Variants in OPA1 observed in about 807,000 individuals in gnomAD.
OPA1 encodes the protein dynamin-like GTPase OPA1, mitochondrial.
In OPA1, 59 loss-of-function variants were observed where a neutral mutation model predicts 152.9. The ratio of observed to expected loss-of-function variants is 0.39; its 90% CI spans 0.31 to 0.48. OPA1 has a LOEUF of 0.48. OPA1 is among the 20% of genes least tolerant of loss of function. OPA1 has a pLI of 0.96. For missense variants in OPA1, 1,008 were observed against 1,216.8 expected (o/e 0.83, Z 2.55); for synonymous variants, 400 against 389.9 (o/e 1.03, Z -0.31).
intron 1 of OPA1, among the ~76,000 whole-genome samples, chr3:193,604,962 A>G (rs1294159281): frequency 6.6e-6 from 1 of 152,150 alleles, no homozygotes; most frequent in Admixed American, 6.5e-5. Context: ...AACTGAGTCA[A>G]TTTCCGGGCA....
chr3:193,613,887 A>G (rs745357728), intron 1 of OPA1: 1 of 517,390 alleles, frequency 1.9e-6, no homozygotes, highest in Non-Finnish European at 3.9e-6. Context: ...CTCCTTCTTA[A>G]GAAGTTTCCA....
chr3:193,631,615 TCAGA>T lies in OPA1; in HGVS notation c.796_799del (p.Asp266LysfsTer16). The T allele has an allele frequency of 2.5e-6, 4 of 1,607,792 alleles. No individual in the cohort carries two copies. Among genetic ancestry groups the T allele is most frequent in the South Asian group, 1.1e-5 (1 of 90,844 alleles). On this transcript the variant is annotated frameshift_variant, in exon 8 of 31. Transcript: ENST00000361510. LOFTEE classifies it high-confidence loss of function. Reference sequence around the variant, plus strand: ...TAAAATTATTTTAAACATTTAGGTGTCAGACAAAGAGAAAATTGACCAACTTCAG... The same window carrying T: ...TAAAATTATTTTAAACATTTAGGTGTCAAAGAGAAAATTGACCAACTTCAG...
At position 193,697,236 on chromosome 3, in the gene OPA1, A is replaced by G. The variant is rs1405850595; in HGVS notation, c.*2636A>G. The G allele has an allele frequency of 6.6e-6, 1 of 152,236 alleles. No homozygotes were observed. Among genetic ancestry groups the G allele is most frequent in the African/African-American group, 2.4e-5 (1 of 41,452 alleles). 9.4% of individuals were successfully genotyped at this position (152,236 alleles called of 1,614,324 possible). A position where few individuals can be genotyped will look rare whatever the true frequency, so the allele number is the denominator to read the frequency against. Reference sequence around the variant, plus strand: ...AAATCTGGTATTTTTGCTTTCCAATAAAGGGGATCAAAGTAATGGTTTTTC... The same window carrying G: ...AAATCTGGTATTTTTGCTTTCCAATGAAGGGGATCAAAGTAATGGTTTTTC... On this transcript the variant is annotated 3_prime_UTR_variant, in exon 31 of 31. Transcript: ENST00000361510.
intron 29 of OPA1, among the ~76,000 whole-genome samples, chr3:193,679,897 G>A (rs1719853663): frequency 6.6e-6 from 1 of 152,158 alleles, no homozygotes; most frequent in African/African-American, 2.4e-5. Flanking sequence ...TGGAATAAAT[G>A]AAATTAGTTT....
chr3:193,614,843 A>G lies in OPA1; in HGVS notation c.153A>G (p.Gln51=), dbSNP rs1275939188. ...CACATCATCCTACCTTAAAGCTTCAACGACCCCAATTAAGGACATCCTTTC... is the reference window on the plus strand; with the variant it reads ...CACATCATCCTACCTTAAAGCTTCAGCGACCCCAATTAAGGACATCCTTTC... ...YHSHHPTLKL[Q]RPQLRTSFQQ... The change falls in exon 2 of 31, where the codon CAA becomes CAG. Residue 51 remains glutamine (Q), a synonymous_variant. Coordinates refer to ENST00000361510, the MANE Select transcript of OPA1 (RefSeq NM_130837.3). The G allele has an allele frequency of 3.1e-6, 5 of 1,613,976 alleles. No individual in the cohort carries two copies. The Admixed American group carries it at 5.0e-5, about 16-fold the overall frequency.
intron 27 of OPA1, among the ~76,000 whole-genome samples, chr3:193,665,586 T>C (rs1451577692): frequency 6.6e-6 from 1 of 152,174 alleles, no homozygotes; most frequent in East Asian, 1.9e-4. Flanking sequence ...CAGTCTGATA[T>C]ATTTTCAGCA....
At chr3:193,656,987 C>A in intron 22 of OPA1, 93 bp from the exon 23 acceptor site, 1 of 1,074,580 alleles carries the variant, frequency 9.3e-7, no homozygotes, top group Non-Finnish European at 1.4e-6. Context: ...ATTTATTTAT[C>A]ACATCTGTTT....
intron 21 of OPA1, among the ~76,000 whole-genome samples, chr3:193,651,560 AGAAAT>A (rs1422704840): frequency 1.3e-5 from 2 of 152,250 alleles, no homozygotes; most frequent in Non-Finnish European, 2.9e-5. Flanking sequence ...ATAAATGTGA[AGAAAT>A]GGAAAGCAAT....
intron 21 of OPA1, among the ~76,000 whole-genome samples, chr3:193,654,033 G>C (rs185868666): frequency 1.9e-3 from 294 of 152,090 alleles, no homozygotes; most frequent in African/African-American, 6.6e-3. Flanking sequence ...TCCACTCTTA[G>C]GTATTTACCT....
chr3:193,638,942 A>G (rs993078414), intron 11 of OPA1, among the ~76,000 whole-genome samples: 2 of 152,190 alleles, frequency 1.3e-5, no homozygotes, highest in Non-Finnish European at 2.9e-5. Context: ...GCTGGCAAAT[A>G]TTGTCGGAGC....
At chr3:193,675,426 A>G (rs929210207) in intron 29 of OPA1, among the ~76,000 whole-genome samples, 2 of 151,392 alleles carry the variant, frequency 1.3e-5, no homozygotes, top group African/African-American at 2.4e-5. Context: ...AGCATCTTTC[A>G]TATCTCAGTA....
Position 193,631,675 on chromosome 3 carries a change from A to G in OPA1, c.843+10A>G. ...ACTTCTGCACACTCAGGTAATCATG[A>G]TGACTAAGAAAAACTAGGGACTTTT... is the stretch of plus-strand genomic sequence containing the variant. On this transcript the variant is annotated intron_variant, in intron 8 of 30. Transcript: ENST00000361510. The G allele has an allele frequency of 1.9e-6, 3 of 1,607,110 alleles. No individual in the cohort carries two copies. The highest frequency in any genetic ancestry group is 2.6e-6 in the Non-Finnish European group (3 of 1,174,354).
At chr3:193,612,512 C>T (rs996614189) in intron 1 of OPA1, among the ~76,000 whole-genome samples, 6 of 152,122 alleles carry the variant, frequency 3.9e-5, no homozygotes, top group Non-Finnish European at 5.9e-5. Context: ...GAGGCCTTTG[C>T]GTATCCATGA....
At chr3:193,644,209 T>G (rs991565827) in intron 16 of OPA1, 104 bp downstream of exon 16, 1 of 1,306,730 alleles carries the variant, frequency 7.7e-7, no homozygotes, top group Non-Finnish European at 1.1e-6. Context: ...AAAAAACACC[T>G]TACAACTAAG....
At position 193,695,078 on chromosome 3, in the gene OPA1, A is replaced by G. The variant is rs1467989982; in HGVS notation, c.*478A>G. The stretch of plus-strand genomic sequence containing the variant: ...CTAAATCATTGTATGTGTCTGTAGT[A>G]TTCTATTCCCAGAAACTATTTGACC... On this transcript the variant is annotated 3_prime_UTR_variant, in exon 31 of 31. Transcript: ENST00000361510. 1 of 152,200 alleles carries G rather than the reference A, an allele frequency of 6.6e-6. No individual in the cohort carries two copies. The highest frequency in any genetic ancestry group is 1.5e-5 in the Non-Finnish European group (1 of 68,020). The allele number at this position is 152,200 out of a possible 1,614,324, so 9.4% of individuals were successfully genotyped here.
intron 29 of OPA1, chr3:193,689,128 G>A (rs1334471982): frequency 1.3e-5 from 2 of 152,208 alleles, no homozygotes; most frequent in Non-Finnish European, 2.9e-5. Flanking sequence ...GAAATACATA[G>A]TAGATACATC....
chr3:193,631,105 C>G (rs560047487), intron 7 of OPA1, among the ~76,000 whole-genome samples: 12 of 152,144 alleles, frequency 7.9e-5, no homozygotes, highest in Non-Finnish European at 1.3e-4. Context: ...TTACATAATT[C>G]GCTACTTATG....
At chr3:193,692,907 C>T (rs1721871139) in intron 30 of OPA1, among the ~76,000 whole-genome samples, 1 of 152,244 alleles carries the variant, frequency 6.6e-6, no homozygotes. Flanking sequence ...CAGGCTCATG[C>T]CACCATGCCC....
At chr3:193,676,816 TA>T (rs1264449954) in intron 29 of OPA1, among the ~76,000 whole-genome samples, 2 of 151,950 alleles carry the variant, frequency 1.3e-5, no homozygotes, top group South Asian at 2.1e-4. Context: ...CCGTCTCTAC[TA>T]AAAATACAAA....
Sources: gnomAD v4.1 joint callset for allele counts (sites outside exome capture counted in the v4.1 genomes callset) on GRCh38, gnomAD v4.1.1 for gene constraint, MANE v1.5 for transcripts, NCBI Gene and HGNC (gene_info 2026-07-23, HGNC 2026-07-21) for gene names.